Variants in DNMBP observed in about 807,000 individuals in gnomAD.
The protein encoded by DNMBP is dynamin-binding protein.
In DNMBP, 87 loss-of-function variants were observed where a neutral mutation model predicts 150.0. That is an observed-to-expected ratio of 0.58 (90% CI 0.49 to 0.69). The LOEUF (loss-of-function observed/expected upper bound fraction) is 0.69, where lower values mean the gene tolerates loss of function less well. Ranked by LOEUF, DNMBP falls within the 30% of genes least tolerant of loss-of-function variation. The pLI, the probability that DNMBP is intolerant of heterozygous loss-of-function variation, is 0.00. For synonymous variants in DNMBP, 711 were observed against 750.4 expected (o/e 0.95, Z 0.86); for missense variants, 1,774 against 1,949.0 (o/e 0.91, Z 1.69).
chr10:99,970,147 C>G (rs925850965), intron 2 of DNMBP, among the ~76,000 whole-genome samples: 1 of 152,162 alleles, frequency 6.6e-6, no homozygotes, highest in Admixed American at 6.5e-5. Context: ...CTCTGCCTAC[C>G]ATCTTTCCTT....
intron 3 of DNMBP, among the ~76,000 whole-genome samples, chr10:99,967,452 G>C (rs1159208808): frequency 6.6e-6 from 1 of 152,062 alleles, no homozygotes; most frequent in East Asian, 1.9e-4. Flanking sequence ...CTTGAACCTG[G>C]GAGGCGGAGG....
At chr10:99,912,924 T>C (rs2039917944) in intron 4 of DNMBP, among the ~76,000 whole-genome samples, 1 of 152,236 alleles carries the variant, frequency 6.6e-6, no homozygotes, top group South Asian at 2.1e-4. Context: ...TTTTAAAGTC[T>C]GGCTTGAAAT....
intron 6 of DNMBP, among the ~76,000 whole-genome samples, chr10:99,904,964 T>C (rs1278071009): frequency 1.3e-5 from 2 of 152,166 alleles, no homozygotes; most frequent in African/African-American, 4.8e-5. Context: ...TCCAACCACC[T>C]GAGAGCCCCA....
chr10:100,005,731 G>A (rs1305497395), intron 1 of DNMBP, among the ~76,000 whole-genome samples: 1 of 134,046 alleles, frequency 7.5e-6, no homozygotes, highest in Non-Finnish European at 1.5e-5. Context: ...TCCAGCCTGG[G>A]CAACAGAGTG....
chr10:99,880,047 G>C lies in DNMBP; in HGVS notation c.4312C>G (p.Pro1438Ala). The C allele has an allele frequency of 1.2e-6, 2 of 1,614,144 alleles. No individual in the cohort carries two copies. The highest frequency in any genetic ancestry group is 1.7e-6 in the Non-Finnish European group (2 of 1,180,032). The change falls in exon 16 of 17, where the codon CCA (proline) becomes GCA (alanine). Residue 1438 changes from proline (P) to alanine (A), a missense_variant. By Grantham distance (27) the Pro-to-Ala change is conservative. This residue lies in a region of DNMBP where 1,430 missense variants were observed against 1,492.5 expected (regional missense o/e 0.96). Coordinates refer to ENST00000324109, the MANE Select transcript of DNMBP (RefSeq NM_015221.4). ...ESSPSRCPSD[P>A]DSTSQPRSGD... The stretch of plus-strand genomic sequence containing the variant: ...GACCTTGGCTGGGAGGTGGAGTCTG[G>C]GTCTGAAGGGCATCTGGAAGGACTA...
chr10:99,886,261 C>T (rs2039460560), intron 13 of DNMBP, 39 bp downstream of exon 13: 1 of 1,534,338 alleles, frequency 6.5e-7, no homozygotes, highest in Non-Finnish European at 8.9e-7. Context: ...CAGGCAAAGG[C>T]TATAGATGAC....
intron 2 of DNMBP, among the ~76,000 whole-genome samples, chr10:99,970,440 G>A (rs1364194970): frequency 6.6e-6 from 1 of 152,176 alleles, no homozygotes; most frequent in Non-Finnish European, 1.5e-5. Flanking sequence ...GAATGTGGGT[G>A]GTAGGTACCA....
chr10:99,986,594 CAAAAAAAAAAA>C lies in DNMBP; in HGVS notation c.-10-14471_-10-14461del, dbSNP rs747726572. Among the ~76,000 whole-genome samples the C allele has an allele frequency of 1.1e-3, 80 of 74,154 alleles. No individual in the cohort carries two copies. In the East Asian group the frequency reaches 0.031, roughly 29 times the overall value. 48.6% of individuals were successfully genotyped at this position (74,154 alleles called of 152,430 possible). On this transcript the variant is annotated intron_variant, in intron 1 of 16. Coordinates refer to ENST00000324109, the MANE Select transcript of DNMBP (RefSeq NM_015221.4). Reference sequence around the variant, plus strand: ...TGGGAGACAGAGCAAGACTCCGTCTCAAAAAAAAAAAAAAAAAAAAAAAAAAAAAAACCTGC... The same window carrying C: ...TGGGAGACAGAGCAAGACTCCGTCTCAAAAAAAAAAAAAAAAAAAACCTGC...
intron 3 of DNMBP, 96 bp downstream of exon 3, chr10:99,969,018 TA>T: frequency 1.4e-6 from 2 of 1,465,634 alleles, no homozygotes; most frequent in Non-Finnish European, 1.9e-6. Context: ...CTCTAGAGGT[TA>T]AGCCACTTCA....
intron 15 of DNMBP, 82 bp from the exon 16 acceptor site, chr10:99,880,443 T>TA (rs2039349958): frequency 7.0e-7 from 1 of 1,418,488 alleles, no homozygotes; most frequent in Non-Finnish European, 9.2e-7. Context: ...GAAAAAAAAC[T>TA]GATCTAGGTT....
At chr10:99,879,693 G>A (rs2039332694) in intron 16 of DNMBP, 118 bp downstream of exon 16, 1 of 1,489,728 alleles carries the variant, frequency 6.7e-7, no homozygotes, top group Non-Finnish European at 8.9e-7. Flanking sequence ...GTGTGTCTGT[G>A]AGCTCATCTC....
chr10:99,994,623 A>G (rs2040932237), intron 1 of DNMBP, among the ~76,000 whole-genome samples: 1 of 152,182 alleles, frequency 6.6e-6, no homozygotes, highest in African/African-American at 2.4e-5. Context: ...CAGACCCACA[A>G]GGATTTGGCA....
At chr10:99,882,616 C>G (rs1414448411) in intron 15 of DNMBP, among the ~76,000 whole-genome samples, 1 of 151,960 alleles carries the variant, frequency 6.6e-6, no homozygotes, top group Non-Finnish European at 1.5e-5. Context: ...TAGATATGAA[C>G]AAGTATGTGT....
At chr10:99,880,458 A>G in intron 15 of DNMBP, 97 bp from the exon 16 acceptor site, 1 of 1,402,846 alleles carries the variant, frequency 7.1e-7, no homozygotes, top group Non-Finnish European at 9.3e-7. Context: ...TAGGTTATTC[A>G]TCTGTAAAAT....
Position 99,991,952 on chromosome 10 carries a change from G to A in DNMBP, c.-11+17886C>T, listed in dbSNP as rs374535677. ...TATGATCAGCTTAGAGCGTATGTAA[G>A]TTAAGCTGGGAGCAGTAGCACATGC... On this transcript the variant is annotated intron_variant, in intron 1 of 16. Transcript: ENST00000324109. Among the ~76,000 whole-genome samples, 275 of 149,680 alleles carry A rather than the reference G, an allele frequency of 1.8e-3. 1 individual carries two copies. The South Asian group carries it at 0.032, about 17-fold the overall frequency.
At chr10:99,903,009 A>G (rs2039768299) in intron 6 of DNMBP, among the ~76,000 whole-genome samples, 1 of 151,508 alleles carries the variant, frequency 6.6e-6, no homozygotes, top group African/African-American at 2.4e-5. Flanking sequence ...ACCATTGCCA[A>G]CTGCAGCCTC....
intron 9 of DNMBP, among the ~76,000 whole-genome samples, chr10:99,896,711 G>A (rs1454099527): frequency 6.6e-6 from 1 of 152,196 alleles, no homozygotes; most frequent in Admixed American, 6.5e-5. Context: ...ATTTTACCTT[G>A]AGTCTCATTT....
chr10:99,933,961 C>A (rs1461537284), intron 4 of DNMBP, among the ~76,000 whole-genome samples: 1 of 152,204 alleles, frequency 6.6e-6, no homozygotes, highest in African/African-American at 2.4e-5. Context: ...TGGTCTCAAT[C>A]TCCTGACCTC....
chr10:99,948,143 G>T (rs1224086291), intron 4 of DNMBP, among the ~76,000 whole-genome samples: 1 of 152,104 alleles, frequency 6.6e-6, no homozygotes, highest in Non-Finnish European at 1.5e-5. Flanking sequence ...ATCAGGTAGA[G>T]AATATTTTTA....
Sources: gnomAD v4.1 joint callset for allele counts (sites outside exome capture counted in the v4.1 genomes callset) on GRCh38, gnomAD v4.1.1 for gene constraint, gnomAD v4.1.1 regional missense constraint, MANE v1.5 for transcripts, NCBI Gene and HGNC (gene_info 2026-07-23, HGNC 2026-07-21) for gene names.